The following TRAPPC9 variants were observed in gnomAD, a reference collection of about 807,000 sequenced individuals.
The protein encoded by TRAPPC9 is trafficking protein particle complex subunit 9.
TRAPPC9 carries 83 observed loss-of-function variants against 124.0 expected under a neutral mutation model. That is an observed-to-expected ratio of 0.67 (90% CI 0.56 to 0.80). The LOEUF (loss-of-function observed/expected upper bound fraction) is 0.80. Ranked by LOEUF, TRAPPC9 falls within the 30% of genes least tolerant of loss-of-function variation. The pLI is 0.00. For synonymous variants in TRAPPC9, 638 were observed against 617.5 expected (o/e 1.03, Z -0.49); for missense variants, 1,302 against 1,508.3 (o/e 0.86, Z 2.27).
chr8:140,320,878 C>A (rs1244352978), intron 9 of TRAPPC9, among the ~76,000 whole-genome samples: 3 of 152,184 alleles, frequency 2.0e-5, no homozygotes, highest in Non-Finnish European at 4.4e-5. Flanking sequence ...CCTTGTACAT[C>A]CAATAGCATC....
chr8:140,066,712 A>G (rs1422139334), intron 17 of TRAPPC9, among the ~76,000 whole-genome samples: 2 of 152,228 alleles, frequency 1.3e-5, no homozygotes, highest in Admixed American at 1.3e-4. Flanking sequence ...AAGCCTATAT[A>G]AGTCCAATAT....
intron 21 of TRAPPC9, among the ~76,000 whole-genome samples, chr8:139,883,015 T>C (rs1007622393): frequency 6.6e-6 from 1 of 152,178 alleles, no homozygotes. Flanking sequence ...TAATCCCCAG[T>C]GTGGCAGTGT....
At chr8:139,870,973 C>T (rs1025348525) in intron 21 of TRAPPC9, among the ~76,000 whole-genome samples, 4 of 152,156 alleles carry the variant, frequency 2.6e-5, no homozygotes, top group Non-Finnish European at 5.9e-5. Context: ...TGCTGGGAGG[C>T]GGGCCGTCTC....
chr8:139,806,866 A>G (rs548828860), intron 21 of TRAPPC9, among the ~76,000 whole-genome samples: 7 of 152,194 alleles, frequency 4.6e-5, no homozygotes, highest in Non-Finnish European at 1.0e-4. Flanking sequence ...GTGCACACGC[A>G]CGGGGGAGAA....
At chr8:139,796,079 GAGGAGA>G (rs1423433837) in intron 21 of TRAPPC9, among the ~76,000 whole-genome samples, 2 of 143,656 alleles carry the variant, frequency 1.4e-5, no homozygotes, top group Non-Finnish European at 3.0e-5. Flanking sequence ...GGAGGAGGAA[GAGGAGA>G]AGGAGGAGGA....
In TRAPPC9 at chr8:140,439,041, G is replaced by A; in HGVS notation, c.730+11C>T. Reference sequence around the variant, plus strand: ...ATTACATATCAGATCATCTTCATCAGCTCATCTTACCTCCAAGCCACAGAA... The same window carrying A: ...ATTACATATCAGATCATCTTCATCAACTCATCTTACCTCCAAGCCACAGAA... On this transcript the variant is annotated intron_variant, in intron 3 of 22. Transcript: ENST00000438773. 4 of 1,614,024 alleles carry A rather than the reference G, an allele frequency of 2.5e-6. No individual in the cohort carries two copies. The highest frequency in any genetic ancestry group is 3.4e-6 in the Non-Finnish European group (4 of 1,179,974).
intron 9 of TRAPPC9, among the ~76,000 whole-genome samples, chr8:140,340,141 C>T (rs769484513): frequency 4.6e-5 from 7 of 152,224 alleles, no homozygotes; most frequent in Non-Finnish European, 1.0e-4. Context: ...AGCCACTGCA[C>T]CCAGCCAAGA....
At chr8:139,765,871 C>T (rs1208528922) in intron 21 of TRAPPC9, among the ~76,000 whole-genome samples, 1 of 152,184 alleles carries the variant, frequency 6.6e-6, no homozygotes, top group African/African-American at 2.4e-5. Flanking sequence ...ACACTTCATC[C>T]CCAGCCGGGG....
rs72688867 is a variant in TRAPPC9, at chr8:140,260,059, G to A, written c.2279-7130C>T. Reference sequence around the variant, plus strand: ...ATGAGATCATGGGTAGTTTCAAATTGTTTTATATTTTTTTGAATTTTTGAC... The same window carrying A: ...ATGAGATCATGGGTAGTTTCAAATTATTTTATATTTTTTTGAATTTTTGAC... On this transcript the variant is annotated intron_variant, in intron 15 of 22. Transcript: ENST00000438773. Among the ~76,000 whole-genome samples the A allele has an allele frequency of 7.6e-3, 1,155 of 152,260 alleles. 3 individuals are homozygous for A. The highest frequency in any genetic ancestry group is 0.011 in the Non-Finnish European group (739 of 68,014).
chr8:140,196,132 A>ACC (rs147492248), intron 17 of TRAPPC9, among the ~76,000 whole-genome samples: 1 of 92,406 alleles, frequency 1.1e-5, no homozygotes, highest in Non-Finnish European at 2.3e-5. Context: ...GTGACACTGA[A>ACC]ACACAACGAT....
At chr8:140,012,089 C>T (rs187019604) in intron 18 of TRAPPC9, among the ~76,000 whole-genome samples, 5 of 152,264 alleles carry the variant, frequency 3.3e-5, no homozygotes, top group Admixed American at 1.3e-4. Flanking sequence ...GGACTGCAGG[C>T]GTGAGCCACC....
At chr8:139,929,633 C>T (rs1475319063) in intron 19 of TRAPPC9, among the ~76,000 whole-genome samples, 1 of 152,262 alleles carries the variant, frequency 6.6e-6, no homozygotes, top group African/African-American at 2.4e-5. Context: ...GAGCTACAGG[C>T]TTCCATGGTC....
At chr8:140,408,586 A>C (rs1318122838) in intron 5 of TRAPPC9, among the ~76,000 whole-genome samples, 1 of 152,194 alleles carries the variant, frequency 6.6e-6, no homozygotes, top group East Asian at 1.9e-4. Flanking sequence ...GGCTAGCACC[A>C]GCCTGGGTCA....
At chr8:140,379,265 C>T (rs1475568727) in intron 7 of TRAPPC9, among the ~76,000 whole-genome samples, 1 of 152,206 alleles carries the variant, frequency 6.6e-6, no homozygotes, top group Non-Finnish European at 1.5e-5. Context: ...TGGAGGTCAT[C>T]TCCCTCCATG....
At chr8:140,371,356 T>C (rs902095222) in intron 7 of TRAPPC9, among the ~76,000 whole-genome samples, 176 bp from the exon 8 acceptor site, 12 of 151,468 alleles carry the variant, frequency 7.9e-5, no homozygotes, top group African/African-American at 2.9e-4. Context: ...CTTCAGACCT[T>C]CCCCAGCCAC....
chr8:139,739,821 G>T (rs1254191094), intron 21 of TRAPPC9, among the ~76,000 whole-genome samples: 1 of 152,254 alleles, frequency 6.6e-6, no homozygotes, highest in Non-Finnish European at 1.5e-5. Context: ...GCACTTGGCC[G>T]TCTCATTCAC....
chr8:140,439,936 C>T (rs980766268), intron 2 of TRAPPC9, among the ~76,000 whole-genome samples: 1 of 152,024 alleles, frequency 6.6e-6, no homozygotes, highest in African/African-American at 2.4e-5. Flanking sequence ...AAGAATAAAA[C>T]TCCTCTGGAA....
At chr8:140,225,618 C>T (rs1009694462) in intron 16 of TRAPPC9, among the ~76,000 whole-genome samples, 1 of 152,152 alleles carries the variant, frequency 6.6e-6, no homozygotes, top group Non-Finnish European at 1.5e-5. Flanking sequence ...ACGTAAACTC[C>T]ACATTTCTCT....
chr8:139,905,252 G>C (rs949809250), intron 20 of TRAPPC9, among the ~76,000 whole-genome samples: 1 of 152,016 alleles, frequency 6.6e-6, no homozygotes, highest in Non-Finnish European at 1.5e-5. Context: ...CGGGGGGCTG[G>C]GGGGAAGGAT....
Sources: gnomAD v4.1 joint callset for allele counts (sites outside exome capture counted in the v4.1 genomes callset) on GRCh38, gnomAD v4.1.1 for gene constraint, MANE v1.5 for transcripts, NCBI Gene and HGNC (gene_info 2026-07-23, HGNC 2026-07-21) for gene names.